WBP1L: variants seen among roughly 807,000 people sequenced by gnomAD.
The protein encoded by WBP1L is WW domain binding protein 1 like.
Under a neutral mutation model 33.7 loss-of-function variants are expected in WBP1L, and 17 were observed. That is an observed-to-expected ratio of 0.50 (90% CI 0.34 to 0.76). WBP1L has a LOEUF of 0.76. WBP1L is among the 30% of genes least tolerant of loss of function. The pLI is 0.01. For synonymous variants in WBP1L, 173 were observed against 190.8 expected (o/e 0.91, Z 0.77); for missense variants, 389 against 469.4 (o/e 0.83, Z 1.58).
intron 1 of WBP1L, among the ~76,000 whole-genome samples, chr10:102,752,858 G>A (rs767470072): frequency 1.5e-4 from 23 of 152,190 alleles, no homozygotes; most frequent in Non-Finnish European, 2.9e-4. Flanking sequence ...TGTGTCTTGA[G>A]GAGAGTCCTC....
intron 1 of WBP1L, among the ~76,000 whole-genome samples, chr10:102,749,136 C>T (rs985783435): frequency 4.6e-5 from 7 of 152,212 alleles, no homozygotes; most frequent in African/African-American, 1.7e-4. Context: ...AATGATCTCT[C>T]TCTGTGCCGT....
rs1843881511 is a variant in WBP1L, at chr10:102,813,532, A to T, written c.*201A>T. 1.4e-6 allele frequency: 1 copy of T among 697,688 alleles called. No homozygotes were observed. The allele number at this position is 697,688 out of a possible 1,614,324, so 43.2% of individuals were successfully genotyped here. ...TGGATGCCTCTTCCTCCACAAGGGC[A>T]CAGTGTTGTGGAGGGCTAAGTTGGT... On this transcript the variant is annotated 3_prime_UTR_variant, in exon 4 of 4. Transcript: ENST00000448841.
intron 2 of WBP1L, among the ~76,000 whole-genome samples, chr10:102,804,387 CAA>C (rs10710280): frequency 6.8e-3 from 504 of 74,582 alleles, no homozygotes; most frequent in Non-Finnish European, 8.3e-3. Context: ...GACCCTGTCT[CAA>C]AAAAAAAAAA....
chr10:102,759,698 C>T (rs543083976), intron 1 of WBP1L, among the ~76,000 whole-genome samples: 1 of 152,188 alleles, frequency 6.6e-6, no homozygotes, highest in East Asian at 1.9e-4. Flanking sequence ...CTATATTGCC[C>T]AGGCTGGGGA....
At chr10:102,805,462 G>A (rs1386689297) in intron 2 of WBP1L, among the ~76,000 whole-genome samples, 1 of 151,378 alleles carries the variant, frequency 6.6e-6, no homozygotes, top group Non-Finnish European at 1.5e-5. Context: ...TTTAGAGATG[G>A]GATCTCGCTG....
At chr10:102,750,373 C>T (rs915650174) in intron 1 of WBP1L, among the ~76,000 whole-genome samples, 6 of 151,040 alleles carry the variant, frequency 4.0e-5, no homozygotes, top group Non-Finnish European at 7.4e-5. Flanking sequence ...CCAGTCTGGG[C>T]GATAGAGTGA....
In WBP1L at chr10:102,812,914, G is replaced by A. The variant is rs1425056609; in HGVS notation, c.675G>A (p.Gly225=). Residue 225 remains glycine, a synonymous_variant, in exon 4 of 4, where the codon GGG becomes GGA. Transcript: ENST00000448841. ...MEPSGSVAGL[G]ELDPGAFLDK... is the part of the protein sequence containing the mutation. ...CCAGTGGCTCTGTGGCTGGCCTGGG[G>A]GAGCTGGACCCGGGGGCCTTCCTGG... The A allele has an allele frequency of 1.9e-6, 3 of 1,584,552 alleles. No homozygotes were observed. The highest frequency in any genetic ancestry group is 2.3e-5 in the South Asian group (2 of 86,746).
intron 1 of WBP1L, among the ~76,000 whole-genome samples, chr10:102,792,126 T>C (rs1403779213): frequency 6.6e-6 from 1 of 152,232 alleles, no homozygotes; most frequent in Non-Finnish European, 1.5e-5. Flanking sequence ...CAGTTTGGTG[T>C]TGGTCTTGCT....
At chr10:102,784,639 A>G (rs1843386908) in intron 1 of WBP1L, among the ~76,000 whole-genome samples, 1 of 151,656 alleles carries the variant, frequency 6.6e-6, no homozygotes, top group Admixed American at 6.6e-5. Context: ...GTTAGCCAGG[A>G]TGGTCTCGAC....
Position 102,811,320 on chromosome 10 carries a change from G to T in WBP1L, c.355+1266G>T, listed in dbSNP as rs540092001. On this transcript the variant is annotated intron_variant, in intron 3 of 3. Coordinates refer to ENST00000448841, the MANE Select transcript of WBP1L (RefSeq NM_001083913.2). ...GAGGCTGCCATGAAAGGGGCGGGTT[G>T]GGGGGTGGCATTGGGACTTCTGAGC... Among the ~76,000 whole-genome samples, 421 of 152,182 alleles carry T rather than the reference G, an allele frequency of 2.8e-3. 3 individuals carry two copies. Among genetic ancestry groups the T allele is most frequent in the African/African-American group, 9.1e-3 (377 of 41,512 alleles).
At chr10:102,788,400 A>G (rs548905387) in intron 1 of WBP1L, among the ~76,000 whole-genome samples, 327 of 151,908 alleles carry the variant, frequency 2.2e-3, no homozygotes, top group Non-Finnish European at 3.9e-3. Context: ...ATGAGCCACC[A>G]CACCTGGCTG....
At chr10:102,771,932 T>TG (rs1203467449) in intron 1 of WBP1L, among the ~76,000 whole-genome samples, 1 of 151,812 alleles carries the variant, frequency 6.6e-6, no homozygotes, top group Non-Finnish European at 1.5e-5. Flanking sequence ...AGATGCTGCT[T>TG]GGGGCCATAA....
At chr10:102,744,575 A>T (rs557705502) in intron 1 of WBP1L, 191 of 835,852 alleles carry the variant, frequency 2.3e-4, no homozygotes, top group Non-Finnish European at 2.7e-4. Context: ...TTCTTTAAGG[A>T]TGGACTGGGG....
chr10:102,773,526 G>GTT (rs59935077), intron 1 of WBP1L, among the ~76,000 whole-genome samples: 56 of 151,316 alleles, frequency 3.7e-4, no homozygotes, highest in East Asian at 2.5e-3. Flanking sequence ...ATTTTTACAA[G>GTT]TTTTTTTTTG....
Position 102,748,347 on chromosome 10 carries a change from T to C in WBP1L, c.90+4204T>C, listed in dbSNP as rs553087825. ...TTTTTTCCCACCTCACCCTCAATGGTATACCCTTTGGTTCCCACCTTACCT... is the reference window on the plus strand; with the variant it reads ...TTTTTTCCCACCTCACCCTCAATGGCATACCCTTTGGTTCCCACCTTACCT... On this transcript the variant is annotated intron_variant, in intron 1 of 3. Coordinates refer to ENST00000448841, the MANE Select transcript of WBP1L (RefSeq NM_001083913.2). Among the ~76,000 whole-genome samples, 6 of 152,152 alleles carry C rather than the reference T, an allele frequency of 3.9e-5. 1 individual carries two copies. Among genetic ancestry groups the C allele is most frequent in the African/African-American group, 1.4e-4 (6 of 41,520 alleles).
rs188142506 is a variant in WBP1L at position 102,758,129 on chromosome 10, C to A, written c.90+13986C>A. Reference sequence around the variant, plus strand: ...CGAACTCCTGACCTCATGTGATCCACCCGCCTCGGCCTCCCAAAGTACTGG... The same window carrying A: ...CGAACTCCTGACCTCATGTGATCCAACCGCCTCGGCCTCCCAAAGTACTGG... On this transcript the variant is annotated intron_variant, in intron 1 of 3. Coordinates refer to ENST00000448841, the MANE Select transcript of WBP1L (RefSeq NM_001083913.2). 2.0e-4 allele frequency among the ~76,000 whole-genome samples: 30 copies of A among 152,112 alleles called. No homozygotes were observed. The East Asian group carries it at 4.8e-3, about 24-fold the overall frequency.
intron 1 of WBP1L, among the ~76,000 whole-genome samples, chr10:102,756,702 G>A (rs1475286445): frequency 6.6e-6 from 1 of 152,118 alleles, no homozygotes. Context: ...TATAGGGTAT[G>A]CACATTTAAA....
Position 102,813,351 on chromosome 10 carries a change from C to T in WBP1L, c.*20C>T. 6.3e-7 allele frequency: 1 copy of T among 1,584,492 alleles called. No homozygotes were observed. Among genetic ancestry groups the T allele is most frequent in the Non-Finnish European group, 8.6e-7 (1 of 1,163,404 alleles). On this transcript the variant is annotated 3_prime_UTR_variant, in exon 4 of 4. Coordinates refer to ENST00000448841, the MANE Select transcript of WBP1L (RefSeq NM_001083913.2). ...AGCTAGAGCAGGTCCTGCCAGCACC[C>T]AGCAACTTGGCAAAGCAACCAGGGT...
chr10:102,794,118 G>T (rs1045174388), intron 1 of WBP1L, among the ~76,000 whole-genome samples: 1 of 129,700 alleles, frequency 7.7e-6, no homozygotes, highest in South Asian at 2.5e-4. Context: ...TTAAGCCACC[G>T]GGAGGTGTTT....
Sources: allele counts gnomAD v4.1 joint callset (sites outside exome capture counted in the v4.1 genomes callset), GRCh38; gene constraint gnomAD v4.1.1; transcripts MANE v1.5; gene names NCBI Gene and HGNC (gene_info 2026-07-23, HGNC 2026-07-21).